The following GRID2 variants were observed in gnomAD, a reference collection of about 807,000 sequenced individuals.
GRID2 encodes the protein glutamate receptor ionotropic, delta-2.
In GRID2, 33 loss-of-function variants were observed where a neutral mutation model predicts 114.8. The ratio of observed to expected loss-of-function variants is 0.29; its 90% CI spans 0.22 to 0.38. GRID2 has a LOEUF of 0.38. Ranked by LOEUF, GRID2 falls within the 10% of genes least tolerant of loss-of-function variation. The probability of loss-of-function intolerance (pLI) is 1.00; values close to 1 mark genes in which losing one functional copy is unlikely to be tolerated. For missense variants in GRID2, 1,184 were observed against 1,257.7 expected, an observed-to-expected ratio of 0.94 and a Z score of 0.89; for synonymous variants, 505 against 449.9, an observed-to-expected ratio of 1.12 and a Z score of -1.55.
At chr4:93,329,372 G>A (rs1268993864) in intron 8 of GRID2, among the ~76,000 whole-genome samples, 1 of 152,066 alleles carries the variant, frequency 6.6e-6, no homozygotes, top group Non-Finnish European at 1.5e-5. Flanking sequence ...TTCATTGCAT[G>A]CTGGCATTTC....
chr4:92,551,973 G>A (rs987843051), intron 1 of GRID2, among the ~76,000 whole-genome samples: 1 of 152,000 alleles, frequency 6.6e-6, no homozygotes, highest in Non-Finnish European at 1.5e-5. Context: ...CTAAGATAAA[G>A]GCAAAATAGT....
At chr4:93,106,128 G>T (rs1375829154) in intron 3 of GRID2, among the ~76,000 whole-genome samples, 1 of 152,090 alleles carries the variant, frequency 6.6e-6, no homozygotes, top group African/African-American at 2.4e-5. Flanking sequence ...GGAAACTACA[G>T]AAACTTCTTT....
intron 1 of GRID2, among the ~76,000 whole-genome samples, chr4:92,514,552 C>G (rs1724413535): frequency 6.6e-6 from 1 of 151,796 alleles, no homozygotes; most frequent in Non-Finnish European, 1.5e-5. Flanking sequence ...AATAGATATA[C>G]TGTTACTACC....
chr4:93,173,071 G>C (rs1739005647), intron 4 of GRID2, among the ~76,000 whole-genome samples: 1 of 152,066 alleles, frequency 6.6e-6, no homozygotes, highest in East Asian at 1.9e-4. Flanking sequence ...CTATATTGAA[G>C]AGTTAGAAGG....
rs139609890 is a variant in GRID2, at chr4:92,326,235, T to G, written c.88+21491T>G. On this transcript the variant is annotated intron_variant, in intron 1 of 15. Coordinates refer to ENST00000282020, the MANE Select transcript of GRID2 (RefSeq NM_001510.4). Reference sequence around the variant, plus strand: ...TTATAACTGATTAAAGGTCAGTAACTTATTGAGACATTTGGAGGCAAATCA... The same window carrying G: ...TTATAACTGATTAAAGGTCAGTAACGTATTGAGACATTTGGAGGCAAATCA... 3.6e-4 allele frequency among the ~76,000 whole-genome samples: 55 copies of G among 152,052 alleles called. No individual in the cohort carries two copies. In the East Asian group the frequency reaches 8.9e-3, roughly 25 times the overall value.
At chr4:92,352,986 C>G (rs996207909) in intron 1 of GRID2, among the ~76,000 whole-genome samples, 1 of 151,510 alleles carries the variant, frequency 6.6e-6, no homozygotes, top group African/African-American at 2.4e-5. Context: ...CTTTCTCTTT[C>G]TCTTCTTCTG....
intron 1 of GRID2, among the ~76,000 whole-genome samples, chr4:92,306,944 A>G (rs1188951947): frequency 6.6e-6 from 1 of 152,182 alleles, no homozygotes; most frequent in African/African-American, 2.4e-5. Context: ...TGTTTTATAG[A>G]CTACCTAATA....
At chr4:93,324,402 T>G (rs539223563) in intron 8 of GRID2, among the ~76,000 whole-genome samples, 1 of 151,994 alleles carries the variant, frequency 6.6e-6, no homozygotes, top group African/African-American at 2.4e-5. Flanking sequence ...TGAAGCCAAC[T>G]TCATTGTGGT....
In GRID2 at chr4:92,927,792, A is replaced by G. The variant is rs544323244; in HGVS notation, c.245-157203A>G. Among the ~76,000 whole-genome samples, 4 of 151,864 alleles carry G rather than the reference A, an allele frequency of 2.6e-5. No individual in the cohort carries two copies. In the East Asian group the frequency reaches 7.7e-4, roughly 29 times the overall value. On this transcript the variant is annotated intron_variant, in intron 2 of 15. Coordinates refer to ENST00000282020, the MANE Select transcript of GRID2 (RefSeq NM_001510.4). ...ATATTTACAAGCCTTTTTGTGAAGTAATATTTATACAACACTTCTCAATGA... is the reference window on the plus strand; with the variant it reads ...ATATTTACAAGCCTTTTTGTGAAGTGATATTTATACAACACTTCTCAATGA...
chr4:92,943,859 G>C (rs974696073), intron 2 of GRID2, among the ~76,000 whole-genome samples: 1 of 152,210 alleles, frequency 6.6e-6, no homozygotes, highest in Non-Finnish European at 1.5e-5. Context: ...GGCCCTGTTT[G>C]CCTGAGTATC....
intron 2 of GRID2, among the ~76,000 whole-genome samples, chr4:92,647,301 T>C (rs1317538913): frequency 6.6e-6 from 1 of 150,858 alleles, no homozygotes; most frequent in Non-Finnish European, 1.5e-5. Flanking sequence ...ACTATTACTA[T>C]TGTAAGATTT....
chr4:92,869,680 C>T (rs1745134856), intron 2 of GRID2, among the ~76,000 whole-genome samples: 2 of 152,152 alleles, frequency 1.3e-5, no homozygotes, highest in Non-Finnish European at 2.9e-5. Flanking sequence ...CCACCTCAAC[C>T]ACATTCAGCC....
intron 2 of GRID2, among the ~76,000 whole-genome samples, chr4:92,699,495 G>A (rs1734567912): frequency 6.6e-6 from 1 of 152,106 alleles, no homozygotes; most frequent in Non-Finnish European, 1.5e-5. Flanking sequence ...TTGAAAAATA[G>A]GACAGAGTAA....
At chr4:93,741,190 T>TATATATATATAC (rs1553994857) in intron 14 of GRID2, among the ~76,000 whole-genome samples, 5 of 30,716 alleles carry the variant, frequency 1.6e-4, no homozygotes, top group East Asian at 3.5e-3. Context: ...TATATATATA[T>TATATATATATAC]ATATATATAT....
chr4:92,804,269 A>C (rs111312384), intron 2 of GRID2, among the ~76,000 whole-genome samples: 3 of 152,156 alleles, frequency 2.0e-5, no homozygotes, highest in African/African-American at 7.2e-5. Context: ...ATATGGAAAA[A>C]TATTCTATTT....
intron 1 of GRID2, among the ~76,000 whole-genome samples, chr4:92,567,582 G>C (rs574663212): frequency 5.5e-4 from 83 of 152,124 alleles, no homozygotes; most frequent in African/African-American, 1.9e-3. Flanking sequence ...TAGGATGCTA[G>C]AGCTTGCAGC....
At chr4:93,011,583 A>G (rs115731093) in intron 2 of GRID2, among the ~76,000 whole-genome samples, 5 of 152,268 alleles carry the variant, frequency 3.3e-5, no homozygotes, top group Non-Finnish European at 7.4e-5. Context: ...AGAGATTGCA[A>G]GAATTTAAAA....
intron 4 of GRID2, among the ~76,000 whole-genome samples, chr4:93,129,640 C>A (rs567472198): frequency 6.6e-6 from 1 of 152,184 alleles, no homozygotes; most frequent in Non-Finnish European, 1.5e-5. Flanking sequence ...CAACACTAAA[C>A]CTTACTTCAC....
intron 10 of GRID2, among the ~76,000 whole-genome samples, chr4:93,445,477 A>C (rs1440112085): frequency 2.6e-5 from 4 of 151,960 alleles, no homozygotes; most frequent in Non-Finnish European, 4.4e-5. Flanking sequence ...TTTTCATCTT[A>C]GTTTTGCTTC....
Sources: gnomAD v4.1 joint callset for allele counts (sites outside exome capture counted in the v4.1 genomes callset) on GRCh38, gnomAD v4.1.1 for gene constraint, MANE v1.5 for transcripts, NCBI Gene and HGNC (gene_info 2026-07-23, HGNC 2026-07-21) for gene names.